SLMAP: variants seen among roughly 807,000 people sequenced by gnomAD.
SLMAP encodes the protein sarcolemma associated protein.
In SLMAP, 44 loss-of-function variants were observed where a neutral mutation model predicts 128.8. That is an observed-to-expected ratio of 0.34 (90% CI 0.27 to 0.44). The LOEUF is 0.44. Among genes scored for constraint, SLMAP ranks in the 20% least tolerant of loss-of-function variants. SLMAP has a pLI of 1.00. For synonymous variants in SLMAP, 327 were observed against 348.8 expected (o/e 0.94, Z 0.70); for missense variants, 787 against 985.3 (o/e 0.80, Z 2.69).
intron 12 of SLMAP, 76 bp downstream of exon 12, chr3:57,864,933 T>A: frequency 8.7e-7 from 1 of 1,145,020 alleles, no homozygotes; most frequent in Non-Finnish European, 1.2e-6. Context: ...TGTCTCACAC[T>A]GCATTTTTTA....
intron 6 of SLMAP, among the ~76,000 whole-genome samples, chr3:57,854,795 G>A (rs1208213817): frequency 1.3e-5 from 2 of 152,102 alleles, no homozygotes; most frequent in East Asian, 1.9e-4. Flanking sequence ...TCACATATAT[G>A]TGTATGTGGT....
At chr3:57,774,771 G>C (rs906675664) in intron 2 of SLMAP, among the ~76,000 whole-genome samples, 9 of 151,856 alleles carry the variant, frequency 5.9e-5, no homozygotes, top group South Asian at 2.1e-4. Context: ...TGATCCACCC[G>C]CCTCAGCCTC....
At chr3:57,914,839 C>G (rs1430261856) in intron 21 of SLMAP, among the ~76,000 whole-genome samples, 1 of 151,932 alleles carries the variant, frequency 6.6e-6, no homozygotes, top group African/African-American at 2.4e-5. Flanking sequence ...ATCTTGGCCT[C>G]CCAAAGTGCT....
intron 2 of SLMAP, among the ~76,000 whole-genome samples, chr3:57,765,016 A>G (rs2079396376): frequency 6.6e-6 from 1 of 152,238 alleles, no homozygotes; most frequent in African/African-American, 2.4e-5. Context: ...AAACAGTTTC[A>G]TGGATGAAAT....
rs1366160186 is a variant in SLMAP at position 57,886,409 on chromosome 3, AT to A, written c.1301-3627del. 2.6e-5 allele frequency among the ~76,000 whole-genome samples: 4 copies of A among 152,162 alleles called. No individual in the cohort carries two copies. In the East Asian group the frequency reaches 7.7e-4, roughly 29 times the overall value. On this transcript the variant is annotated intron_variant, in intron 14 of 24. Transcript: ENST00000671191. Reference sequence around the variant, plus strand: ...CCACTGCACCCAGCTTAAAAGTATAATTTTTGAAGTTTTATGGATGAAGCAA... The same window carrying A: ...CCACTGCACCCAGCTTAAAAGTATAATTTTGAAGTTTTATGGATGAAGCAA...
chr3:57,825,941 A>G (rs1002752027), intron 2 of SLMAP, among the ~76,000 whole-genome samples: 10 of 152,090 alleles, frequency 6.6e-5, no homozygotes, highest in African/African-American at 9.7e-5. Context: ...GAGACTTTTA[A>G]CAAAGTTGGT....
At chr3:57,860,933 A>G (rs1168827376) in intron 9 of SLMAP, 94 bp downstream of exon 9, 1 of 1,005,054 alleles carries the variant, frequency 9.9e-7, no homozygotes, top group East Asian at 3.0e-5. Context: ...GTATTATTAT[A>G]TAGTTAGGAA....
In SLMAP at chr3:57,908,056, A is replaced by G. The variant is rs776579083; in HGVS notation, c.1624+50A>G. On this transcript the variant is annotated intron_variant, in intron 18 of 24. Coordinates refer to ENST00000671191, the MANE Select transcript of SLMAP (RefSeq NM_001377540.1). The stretch of plus-strand genomic sequence containing the variant: ...TTTAGGGATGTGTGGAGGCAGCACA[A>G]TATAATTGGGTGGCCCCAAACTTGG... 210 of 1,576,170 alleles carry G rather than the reference A, an allele frequency of 1.3e-4. 1 individual carries two copies. The highest frequency in any genetic ancestry group is 2.0e-4 in the East Asian group (9 of 44,050).
chr3:57,760,884 C>T (rs576448253), intron 2 of SLMAP, among the ~76,000 whole-genome samples: 29 of 152,158 alleles, frequency 1.9e-4, no homozygotes, highest in East Asian at 1.2e-3. Context: ...TGCGCCACCA[C>T]GCGTGGCTAA....
intron 19 of SLMAP, 142 bp downstream of exon 19, chr3:57,909,292 A>G: frequency 6.7e-6 from 4 of 594,860 alleles, no homozygotes; most frequent in South Asian, 2.2e-5. Context: ...TCCTGAGGTC[A>G]GGAATTCGAG....
intron 2 of SLMAP, among the ~76,000 whole-genome samples, chr3:57,801,642 T>TA (rs2088406148): frequency 9.3e-6 from 1 of 107,012 alleles, no homozygotes; most frequent in East Asian, 2.5e-4. Flanking sequence ...CTGTTTTTCC[T>TA]GTTTTTTTTT....
At chr3:57,877,038 C>T (rs2095620272) in intron 14 of SLMAP, among the ~76,000 whole-genome samples, 1 of 146,230 alleles carries the variant, frequency 6.8e-6, no homozygotes, top group African/African-American at 2.5e-5. Context: ...CCTTTGTATT[C>T]TTTTTTTTTT....
chr3:57,859,244 C>T (rs183692286), intron 8 of SLMAP, among the ~76,000 whole-genome samples: 196 of 150,758 alleles, frequency 1.3e-3, no homozygotes, highest in Non-Finnish European at 1.9e-3. Context: ...TTGCTTAAAC[C>T]CGGTGGGGGT....
At chr3:57,889,841 AG>A (rs1156603596) in intron 14 of SLMAP, 199 bp from the exon 15 acceptor site, 4 of 427,572 alleles carry the variant, frequency 9.4e-6, no homozygotes, top group Non-Finnish European at 1.7e-5. Context: ...GCCTGCCCCT[AG>A]TTTTCTGCAT....
intron 21 of SLMAP, among the ~76,000 whole-genome samples, chr3:57,914,171 A>C (rs1233924729): frequency 6.6e-6 from 1 of 152,148 alleles, no homozygotes; most frequent in Non-Finnish European, 1.5e-5. Context: ...TTTTACCACC[A>C]CAGTTTGCCA....
At chr3:57,862,541 G>A (rs199812955) in intron 10 of SLMAP, among the ~76,000 whole-genome samples, 1 of 149,134 alleles carries the variant, frequency 6.7e-6, no homozygotes. Context: ...GGGAGTCTAA[G>A]GCAGAAGAAT....
intron 2 of SLMAP, among the ~76,000 whole-genome samples, chr3:57,760,021 C>T (rs888149393): frequency 2.2e-4 from 33 of 152,182 alleles, no homozygotes; most frequent in African/African-American, 7.0e-4. Context: ...CTCACTGCAA[C>T]GTCTGCCTCC....
intron 2 of SLMAP, among the ~76,000 whole-genome samples, chr3:57,805,443 C>G (rs1438247027): frequency 1.3e-5 from 2 of 152,202 alleles, no homozygotes; most frequent in African/African-American, 4.8e-5. Flanking sequence ...TGCAGTATTT[C>G]CAAATACAGA....
intron 2 of SLMAP, among the ~76,000 whole-genome samples, chr3:57,777,642 T>C (rs952081110): frequency 4.0e-5 from 6 of 151,562 alleles, no homozygotes; most frequent in African/African-American, 7.3e-5. Flanking sequence ...GTAAAACATA[T>C]ATCACTTGCA....
Sources: allele counts gnomAD v4.1 joint callset (sites outside exome capture counted in the v4.1 genomes callset), GRCh38; gene constraint gnomAD v4.1.1; transcripts MANE v1.5; gene names NCBI Gene and HGNC (gene_info 2026-07-23, HGNC 2026-07-21).